Variants in CTNNA3 observed in about 807,000 individuals in gnomAD.
CTNNA3 encodes catenin alpha-3.
In CTNNA3, 76 loss-of-function variants were observed where a neutral mutation model predicts 95.7. The ratio of observed to expected loss-of-function variants is 0.79; its 90% CI spans 0.66 to 0.96. The LOEUF is 0.96. CTNNA3 is among the 40% of genes least tolerant of loss of function. CTNNA3 has a pLI of 0.00. For missense variants in CTNNA3, 1,191 were observed against 1,089.8 expected (o/e 1.09, Z -1.31); for synonymous variants, 431 against 374.4 (o/e 1.15, Z -1.74).
At chr10:66,555,238 C>T (rs186275668) in intron 10 of CTNNA3, among the ~76,000 whole-genome samples, 1 of 152,212 alleles carries the variant, frequency 6.6e-6, no homozygotes, top group East Asian at 1.9e-4. Flanking sequence ...GTGATCTTCC[C>T]TTTGGCAGTT....
At chr10:66,397,033 T>C (rs2092983601) in intron 11 of CTNNA3, among the ~76,000 whole-genome samples, 1 of 151,668 alleles carries the variant, frequency 6.6e-6, no homozygotes, top group Admixed American at 6.6e-5. Flanking sequence ...AATAGGACCC[T>C]CATTTAAAAT....
At chr10:65,973,403 A>C (rs867036105) in intron 16 of CTNNA3, among the ~76,000 whole-genome samples, 1 of 152,196 alleles carries the variant, frequency 6.6e-6, no homozygotes, top group South Asian at 2.1e-4. Context: ...AACAGAGTAC[A>C]TAGACAACCC....
chr10:67,604,815 C>A (rs1050476317), intron 3 of CTNNA3, among the ~76,000 whole-genome samples: 8 of 152,094 alleles, frequency 5.3e-5, no homozygotes, highest in Non-Finnish European at 1.2e-4. Context: ...AGAACAAGGA[C>A]AAAGAGAGGG....
intron 17 of CTNNA3, among the ~76,000 whole-genome samples, chr10:65,961,009 A>G (rs1476904717): frequency 6.6e-6 from 1 of 152,160 alleles, no homozygotes; most frequent in Non-Finnish European, 1.5e-5. Flanking sequence ...CCGTTCTAAC[A>G]TCACATTCTC....
chr10:66,405,350 A>C (rs755536960), intron 11 of CTNNA3, among the ~76,000 whole-genome samples: 1 of 152,162 alleles, frequency 6.6e-6, no homozygotes, highest in Non-Finnish European at 1.5e-5. Context: ...GTTCTCAATA[A>C]ATTTATTTAT....
intron 5 of CTNNA3, among the ~76,000 whole-genome samples, chr10:67,457,576 T>C (rs577171113): frequency 6.6e-6 from 1 of 152,184 alleles, no homozygotes; most frequent in Non-Finnish European, 1.5e-5. Flanking sequence ...TATCACAAAT[T>C]TGGCTGCTGA....
chr10:66,939,263 C>T (rs562384105), intron 7 of CTNNA3, among the ~76,000 whole-genome samples: 1 of 152,144 alleles, frequency 6.6e-6, no homozygotes, highest in Non-Finnish European at 1.5e-5. Flanking sequence ...CTCCTTTCCT[C>T]CCTTCTGTTC....
intron 3 of CTNNA3, among the ~76,000 whole-genome samples, chr10:67,575,541 T>C (rs1405333086): frequency 6.6e-6 from 1 of 152,158 alleles, no homozygotes; most frequent in Non-Finnish European, 1.5e-5. Flanking sequence ...CAAACAGTAA[T>C]AGAGAAAGTG....
At chr10:67,504,376 CA>C (rs1277165215) in intron 5 of CTNNA3, among the ~76,000 whole-genome samples, 5,024 of 132,760 alleles carry the variant, frequency 0.038, 104 homozygotes, top group South Asian at 0.093. Flanking sequence ...TGGCAAGAAC[CA>C]CTGCACTGAA....
intron 13 of CTNNA3, among the ~76,000 whole-genome samples, chr10:66,184,717 T>C (rs2086239577): frequency 6.6e-6 from 1 of 152,216 alleles, no homozygotes; most frequent in Non-Finnish European, 1.5e-5. Flanking sequence ...TTAGCCAATG[T>C]TGTGCTTATC....
intron 1 of CTNNA3, among the ~76,000 whole-genome samples, chr10:67,712,193 T>C (rs1402454034): frequency 1.3e-5 from 2 of 152,184 alleles, no homozygotes; most frequent in Non-Finnish European, 2.9e-5. Context: ...GCTTTCAATA[T>C]ATGACTTGGG....
chr10:67,049,210 ACAGGAGGCAGGGT>A (rs1409612940), intron 7 of CTNNA3, among the ~76,000 whole-genome samples: 1 of 152,120 alleles, frequency 6.6e-6, no homozygotes, highest in African/African-American at 2.4e-5. Context: ...GATGGTAGAA[ACAGGAGGCAGGGT>A]CAGTTATTTC....
chr10:67,399,812 G>C (rs1054966653), intron 5 of CTNNA3, among the ~76,000 whole-genome samples: 1 of 151,984 alleles, frequency 6.6e-6, no homozygotes, highest in Admixed American at 6.5e-5. Flanking sequence ...TTAAACTTTT[G>C]TATCTCCCAA....
chr10:67,362,779 T>C (rs1431123518), intron 5 of CTNNA3, among the ~76,000 whole-genome samples: 1 of 118,244 alleles, frequency 8.5e-6, no homozygotes. Context: ...GAAAAAGAAA[T>C]AAAAGGCATT....
chr10:66,203,242 A>T (rs913142752), intron 13 of CTNNA3, among the ~76,000 whole-genome samples: 1 of 152,220 alleles, frequency 6.6e-6, no homozygotes, highest in African/African-American at 2.4e-5. Flanking sequence ...TAGATGAATC[A>T]GTAAAGAATC....
At chr10:66,229,724 G>A (rs1334996336) in intron 13 of CTNNA3, among the ~76,000 whole-genome samples, 1 of 149,048 alleles carries the variant, frequency 6.7e-6, no homozygotes, top group Non-Finnish European at 1.5e-5. Context: ...GAATTTATTT[G>A]TAATTTTTTT....
rs528579784 is a variant in CTNNA3, at chr10:66,974,390, G to T, written c.1048-198866C>A. ...TGTATTCCTATACAGCACACTTTAC[G>T]CATTCACCTGTTGGTGTTGATGGAC... On this transcript the variant is annotated intron_variant, in intron 7 of 17. Transcript: ENST00000433211. Among the ~76,000 whole-genome samples, 12 of 152,248 alleles carry T rather than the reference G, an allele frequency of 7.9e-5. No individual in the cohort carries two copies. The South Asian group carries it at 1.9e-3, about 24-fold the overall frequency.
At chr10:67,286,644 A>G (rs1839613856) in intron 5 of CTNNA3, among the ~76,000 whole-genome samples, 1 of 152,182 alleles carries the variant, frequency 6.6e-6, no homozygotes, top group African/African-American at 2.4e-5. Context: ...CAAACTTAAA[A>G]TTGGTACCCA....
At position 66,356,833 on chromosome 10, in the gene CTNNA3, G is replaced by A. The variant is rs1332035360; in HGVS notation, c.1732+22319C>T. Among the ~76,000 whole-genome samples, 7 of 152,004 alleles carry A rather than the reference G, an allele frequency of 4.6e-5. No individual in the cohort carries two copies. The South Asian group carries it at 8.3e-4, about 18-fold the overall frequency. Reference sequence around the variant, plus strand: ...TTATTATGAATAAAATTGGAAGTTCGTTGAATGCTTTTTTCTGCATCTTTG... The same window carrying A: ...TTATTATGAATAAAATTGGAAGTTCATTGAATGCTTTTTTCTGCATCTTTG... On this transcript the variant is annotated intron_variant, in intron 12 of 17. Coordinates refer to ENST00000433211, the MANE Select transcript of CTNNA3 (RefSeq NM_013266.4).
Sources: allele counts gnomAD v4.1 joint callset (sites outside exome capture counted in the v4.1 genomes callset), GRCh38; gene constraint gnomAD v4.1.1; transcripts MANE v1.5; gene names NCBI Gene and HGNC (gene_info 2026-07-23, HGNC 2026-07-21).